LUC7L3: variants seen among roughly 807,000 people sequenced by gnomAD.
LUC7L3 encodes LUC7 like 3 pre-mRNA splicing factor, also known as luc7-like protein 3.
LUC7L3 carries 6 observed loss-of-function variants against 66.8 expected under a neutral mutation model. The observed-to-expected ratio is 0.09, with a 90% confidence interval of 0.05 to 0.18. The LOEUF (loss-of-function observed/expected upper bound fraction) is 0.18, where lower values mean the gene tolerates loss of function less well. Among genes scored for constraint, LUC7L3 ranks in the 10% least tolerant of loss-of-function variants. LUC7L3 has a pLI of 1.00. For missense variants in LUC7L3, 341 were observed against 531.1 expected, an observed-to-expected ratio of 0.64 and a Z score of 3.52; for synonymous variants, 160 against 174.7, an observed-to-expected ratio of 0.92 and a Z score of 0.66.
intron 7 of LUC7L3, 151 bp downstream of exon 7, chr17:50,744,964 A>G: frequency 1.7e-6 from 1 of 586,974 alleles, no homozygotes; most frequent in East Asian, 3.0e-5. Context: ...GGCATGTGCC[A>G]CCAGGCCTGG....
intron 1 of LUC7L3, among the ~76,000 whole-genome samples, chr17:50,735,250 A>G (rs1244363937): frequency 6.7e-6 from 1 of 148,362 alleles, no homozygotes; most frequent in Non-Finnish European, 1.5e-5. Context: ...AAAAAAGAAA[A>G]AAAAAACTTT....
Position 50,750,520 on chromosome 17 carries a change from T to C in LUC7L3, c.1158T>C (p.Asp386=). ...SKEKEKRGSD[D]KKSSVKSGSR... ...TGGCAGAAAAGAGGGGATCTGATGA[T>C]AAAAAAAGTAGTGTGAAGTCCGGTA... Residue 386 remains aspartate (D), a synonymous_variant, in exon 10 of 10, where the codon GAT becomes GAC. Coordinates refer to ENST00000505658, the MANE Select transcript of LUC7L3 (RefSeq NM_016424.5). 1.9e-6 allele frequency: 3 copies of C among 1,613,636 alleles called. No homozygotes were observed. Among genetic ancestry groups the C allele is most frequent in the Admixed American group, 1.7e-5 (1 of 59,962 alleles).
chr17:50,719,643 G>C lies in LUC7L3; in HGVS notation c.-90G>C, dbSNP rs1597876272. On this transcript the variant is annotated 5_prime_UTR_variant, in exon 1 of 10. Transcript: ENST00000505658. ...GTGTGTAGGAGGGATTTCGGCCTGA[G>C]AGCGGGCCGAGGAGATTGGCGACGG... The C allele has an allele frequency of 1.8e-6, 2 of 1,113,164 alleles. No homozygotes were observed. Among genetic ancestry groups the C allele is most frequent in the African/African-American group, 1.6e-5 (1 of 64,282 alleles). 69.0% of individuals were successfully genotyped at this position (1,113,164 alleles called of 1,614,324 possible).
chr17:50,747,187 G>A (rs1439425231), intron 9 of LUC7L3, among the ~76,000 whole-genome samples: 2 of 150,124 alleles, frequency 1.3e-5, no homozygotes, highest in Admixed American at 1.3e-4. Flanking sequence ...CGTTTTCAAT[G>A]GGATCAACAT....
rs1489696266 is a variant in LUC7L3, at chr17:50,755,084, G to C, written c.*4423G>C. 3 of 152,040 alleles carry C rather than the reference G, an allele frequency of 2.0e-5. No individual in the cohort carries two copies. Among genetic ancestry groups the C allele is most frequent in the Non-Finnish European group, 2.9e-5 (2 of 68,000 alleles). 9.4% of individuals were successfully genotyped at this position (152,040 alleles called of 1,614,324 possible). On this transcript the variant is annotated 3_prime_UTR_variant, in exon 10 of 10. Transcript: ENST00000505658. ...GTGGGATGGGACTTCATGCAGGATT[G>C]GTTTTCAAGTTTGATTTCCTGAGGG... is the stretch of plus-strand genomic sequence containing the variant.
Position 50,751,671 on chromosome 17 carries a change from A to G in LUC7L3, c.*1010A>G, listed in dbSNP as rs1178079215. ...CAAGTCTATAAGAGGTATGTGCTTA[A>G]TATTTCCTACTGTGTAGGAGAATTT... On this transcript the variant is annotated 3_prime_UTR_variant, in exon 10 of 10. Coordinates refer to ENST00000505658, the MANE Select transcript of LUC7L3 (RefSeq NM_016424.5). The G allele has an allele frequency of 6.4e-6, 7 of 1,092,430 alleles. No homozygotes were observed. The highest frequency in any genetic ancestry group is 7.9e-6 in the Non-Finnish European group (7 of 891,254). 67.7% of individuals were successfully genotyped at this position (1,092,430 alleles called of 1,614,324 possible). A position where few individuals can be genotyped will look rare whatever the true frequency, so the allele number is the denominator to read the frequency against.
At chr17:50,721,266 A>G (rs1341182910) in intron 1 of LUC7L3, among the ~76,000 whole-genome samples, 2 of 152,094 alleles carry the variant, frequency 1.3e-5, no homozygotes, top group African/African-American at 2.4e-5. Flanking sequence ...AATGCTTTCC[A>G]TTGCACTCCT....
intron 5 of LUC7L3, 35 bp downstream of exon 5, chr17:50,741,766 G>T (rs1749542502): frequency 7.9e-6 from 12 of 1,519,910 alleles, no homozygotes; most frequent in Non-Finnish European, 1.1e-5. Flanking sequence ...AGGAAGTAAT[G>T]TGAAACAGAC....
At chr17:50,738,702 A>G (rs1970151800) in intron 2 of LUC7L3, among the ~76,000 whole-genome samples, 1 of 152,238 alleles carries the variant, frequency 6.6e-6, no homozygotes, top group Non-Finnish European at 1.5e-5. Flanking sequence ...GGATTTTTAA[A>G]AAACTTAGTC....
Position 50,748,646 on chromosome 17 carries a change from C to T in LUC7L3, c.1139-1855C>T, listed in dbSNP as rs1452181853. Reference sequence around the variant, plus strand: ...GCCCCTAGTAAAACTTTTCGTTAAGCGGAATAAGCTGAGTTACGTTTAGAT... The same window carrying T: ...GCCCCTAGTAAAACTTTTCGTTAAGTGGAATAAGCTGAGTTACGTTTAGAT... On this transcript the variant is annotated intron_variant, in intron 9 of 9. Coordinates refer to ENST00000505658, the MANE Select transcript of LUC7L3 (RefSeq NM_016424.5). Among the ~76,000 whole-genome samples, 5 of 151,988 alleles carry T rather than the reference C, an allele frequency of 3.3e-5. No individual in the cohort carries two copies. The East Asian group carries it at 7.7e-4, about 24-fold the overall frequency.
rs1370169592 is a variant in LUC7L3 at position 50,752,872 on chromosome 17, C to T, written c.*2211C>T. On this transcript the variant is annotated 3_prime_UTR_variant, in exon 10 of 10. Coordinates refer to ENST00000505658, the MANE Select transcript of LUC7L3 (RefSeq NM_016424.5). ...TGGTTATGAATAAATTTGAATTTTG[C>T]TTTTAATAGCAAAGATGTGCAGTGA... 6 of 152,106 alleles carry T rather than the reference C, an allele frequency of 3.9e-5. No individual in the cohort carries two copies. The highest frequency in any genetic ancestry group is 5.9e-5 in the Non-Finnish European group (4 of 68,010). 9.4% of individuals were successfully genotyped at this position (152,106 alleles called of 1,614,324 possible). A position where few individuals can be genotyped will look rare whatever the true frequency, so the allele number is the denominator to read the frequency against.
chr17:50,745,083 G>C (rs764262194), intron 7 of LUC7L3, among the ~76,000 whole-genome samples: 1 of 151,794 alleles, frequency 6.6e-6, no homozygotes, highest in Non-Finnish European at 1.5e-5. Flanking sequence ...TCCACCTCTG[G>C]GGTTCAAGCA....
chr17:50,751,900 A>G lies in LUC7L3; in HGVS notation c.*1239A>G, dbSNP rs1597949528. On this transcript the variant is annotated 3_prime_UTR_variant, in exon 10 of 10. Coordinates refer to ENST00000505658, the MANE Select transcript of LUC7L3 (RefSeq NM_016424.5). ...ACCTGTAAACTTCATTCTGTGGGCT[A>G]GTGGTGTGGGACAAAATATTCCTAA... 1 of 1,026,048 alleles carries G rather than the reference A, an allele frequency of 9.7e-7. No homozygotes were observed. Among genetic ancestry groups the G allele is most frequent in the Non-Finnish European group, 1.2e-6 (1 of 854,252 alleles). The allele number at this position is 1,026,048 out of a possible 1,614,324, so 63.6% of individuals were successfully genotyped here. A position where few individuals can be genotyped will look rare whatever the true frequency, so the allele number is the denominator to read the frequency against.
chr17:50,740,926 G>T (rs115169659), intron 3 of LUC7L3, among the ~76,000 whole-genome samples, 176 bp from the exon 4 acceptor site: 2,360 of 152,238 alleles, frequency 0.016, 60 homozygotes, highest in African/African-American at 0.053. Context: ...TAAAGCTAGT[G>T]GTTAAACCCC....
chr17:50,751,366 C>T lies in LUC7L3; in HGVS notation c.*705C>T, dbSNP rs1970966259. 1.5e-6 allele frequency: 2 copies of T among 1,293,376 alleles called. No individual in the cohort carries two copies. The highest frequency in any genetic ancestry group is 2.0e-6 in the Non-Finnish European group (2 of 991,602). 80.1% of individuals were successfully genotyped at this position (1,293,376 alleles called of 1,614,324 possible). Reference sequence around the variant, plus strand: ...AGGATTCAGTCAAACTAAGCAGGTACTCATGCCAGGTACTCCTTTCTCTAC... The same window carrying T: ...AGGATTCAGTCAAACTAAGCAGGTATTCATGCCAGGTACTCCTTTCTCTAC... On this transcript the variant is annotated 3_prime_UTR_variant, in exon 10 of 10. Coordinates refer to ENST00000505658, the MANE Select transcript of LUC7L3 (RefSeq NM_016424.5).
At chr17:50,746,156 A>G (rs1360700559) in intron 8 of LUC7L3, among the ~76,000 whole-genome samples, 153 bp downstream of exon 8, 2 of 152,196 alleles carry the variant, frequency 1.3e-5, no homozygotes, top group African/African-American at 4.8e-5. Flanking sequence ...AGTGAATAAA[A>G]TAGTTCCATC....
chr17:50,724,579 T>C lies in LUC7L3; in HGVS notation c.99+4748T>C, dbSNP rs377355464. 1.1e-4 allele frequency among the ~76,000 whole-genome samples: 17 copies of C among 150,712 alleles called. No individual in the cohort carries two copies. In the East Asian group the frequency reaches 2.9e-3, roughly 26 times the overall value. The stretch of plus-strand genomic sequence containing the variant: ...ATAATCACTGAAAATTATAGTAAGG[T>C]ATTTCGTAAATCTTTGGTTGCTTTA... On this transcript the variant is annotated intron_variant, in intron 1 of 9. Transcript: ENST00000505658.
intron 1 of LUC7L3, chr17:50,724,002 G>A (rs1392590109): frequency 2.2e-6 from 1 of 454,382 alleles, no homozygotes; most frequent in Non-Finnish European, 4.4e-6. Flanking sequence ...AGCAGTCCAT[G>A]TGTTATATGT....
intron 3 of LUC7L3, among the ~76,000 whole-genome samples, chr17:50,740,898 A>G (rs1970308434): frequency 6.6e-6 from 1 of 152,232 alleles, no homozygotes; most frequent in South Asian, 2.1e-4. Context: ...GTCCAGGGTC[A>G]TAGATCCAGT....
Sources: allele counts gnomAD v4.1 joint callset (sites outside exome capture counted in the v4.1 genomes callset), GRCh38; gene constraint gnomAD v4.1.1; transcripts MANE v1.5; gene names NCBI Gene and HGNC (gene_info 2026-07-23, HGNC 2026-07-21).